GPC5: variants seen among roughly 807,000 people sequenced by gnomAD.
GPC5 encodes the protein glypican-5.
GPC5 carries 47 observed loss-of-function variants against 53.9 expected under a neutral mutation model. That is an observed-to-expected ratio of 0.87 (90% confidence interval 0.69 to 1.11). GPC5 has a LOEUF of 1.11. GPC5 is among the 50% of genes most tolerant of loss of function. The pLI is 0.00. For missense variants in GPC5, 748 were observed against 713.1 expected (o/e 1.05, Z -0.56); for synonymous variants, 286 against 263.3 (o/e 1.09, Z -0.84).
intron 7 of GPC5, among the ~76,000 whole-genome samples, chr13:92,191,125 G>C (rs2042220063): frequency 6.6e-6 from 1 of 152,040 alleles, no homozygotes; most frequent in Non-Finnish European, 1.5e-5. Flanking sequence ...TAAAAAAGGG[G>C]CATTATATAG....
chr13:92,660,488 TA>T (rs1467765649), intron 7 of GPC5, among the ~76,000 whole-genome samples: 6 of 152,070 alleles, frequency 3.9e-5, no homozygotes, highest in African/African-American at 1.4e-4. Flanking sequence ...CATACATGTA[TA>T]TATACATATA....
chr13:92,668,102 A>G (rs1307965143), intron 7 of GPC5, among the ~76,000 whole-genome samples: 1 of 152,160 alleles, frequency 6.6e-6, no homozygotes, highest in Middle Eastern at 3.2e-3. Flanking sequence ...AATGTATGTG[A>G]TTTTTAGACC....
chr13:92,628,143 G>A (rs895372939), intron 7 of GPC5, among the ~76,000 whole-genome samples: 1 of 151,726 alleles, frequency 6.6e-6, no homozygotes, highest in East Asian at 1.9e-4. Context: ...GAAAAGAGAG[G>A]GACAGAGGCT....
At chr13:92,076,208 A>G (rs886960639) in intron 6 of GPC5, among the ~76,000 whole-genome samples, 2 of 151,662 alleles carry the variant, frequency 1.3e-5, no homozygotes, top group African/African-American at 4.9e-5. Flanking sequence ...AGCTGGGACT[A>G]CAGGCGCCCA....
chr13:92,091,323 T>C (rs1476414940), intron 6 of GPC5, among the ~76,000 whole-genome samples: 2 of 152,308 alleles, frequency 1.3e-5, no homozygotes, highest in East Asian at 3.9e-4. Context: ...TCCCAAACTC[T>C]ATTATTTTTA....
chr13:92,772,205 C>T (rs1023664112), intron 7 of GPC5, among the ~76,000 whole-genome samples: 2 of 152,136 alleles, frequency 1.3e-5, no homozygotes, highest in Non-Finnish European at 2.9e-5. Context: ...GTTTTCTAGG[C>T]CCAGAGTCTC....
intron 7 of GPC5, among the ~76,000 whole-genome samples, chr13:92,284,283 G>A (rs932495615): frequency 2.6e-5 from 4 of 152,092 alleles, no homozygotes; most frequent in Admixed American, 6.5e-5. Flanking sequence ...AGGACCAGAC[G>A]GATTCAGAGC....
intron 7 of GPC5, among the ~76,000 whole-genome samples, chr13:92,197,440 A>G (rs1426262930): frequency 2.6e-5 from 4 of 152,186 alleles, no homozygotes; most frequent in Non-Finnish European, 5.9e-5. Context: ...AATATGATTT[A>G]TATACAAAGA....
chr13:92,818,262 G>A (rs768828849), intron 7 of GPC5, among the ~76,000 whole-genome samples: 1 of 151,770 alleles, frequency 6.6e-6, no homozygotes, highest in Non-Finnish European at 1.5e-5. Context: ...CAACTGCTTC[G>A]GCCTCCCAAA....
intron 5 of GPC5, among the ~76,000 whole-genome samples, chr13:91,897,480 G>T (rs181300618): frequency 2.0e-5 from 3 of 152,054 alleles, no homozygotes. Context: ...TCAGAAAGAA[G>T]AGCAGTCAGA....
At chr13:92,432,006 T>C (rs1408453230) in intron 7 of GPC5, among the ~76,000 whole-genome samples, 1 of 152,210 alleles carries the variant, frequency 6.6e-6, no homozygotes, top group Non-Finnish European at 1.5e-5. Context: ...ACAATGTATA[T>C]GTTAAAGCCC....
intron 2 of GPC5, among the ~76,000 whole-genome samples, chr13:91,533,262 A>G (rs997753361): frequency 2.0e-5 from 3 of 152,204 alleles, no homozygotes; most frequent in Admixed American, 2.0e-4. Context: ...TGTGCTTCCC[A>G]AGTCCTTCTT....
chr13:91,689,102 TAGGCTAC>T (rs2035685479), intron 2 of GPC5, among the ~76,000 whole-genome samples: 1 of 148,912 alleles, frequency 6.7e-6, no homozygotes, highest in South Asian at 2.1e-4. Context: ...ACAGAAGGTT[TAGGCTAC>T]AGGGAGCTAT....
chr13:91,678,799 AG>A (rs2035442335), intron 2 of GPC5, among the ~76,000 whole-genome samples: 1 of 152,004 alleles, frequency 6.6e-6, no homozygotes, highest in African/African-American at 2.4e-5. Flanking sequence ...GATTGAGGTA[AG>A]TTATCATTAT....
intron 7 of GPC5, among the ~76,000 whole-genome samples, chr13:92,531,619 T>A (rs1881566654): frequency 6.6e-6 from 1 of 152,102 alleles, no homozygotes; most frequent in African/African-American, 2.4e-5. Context: ...AGAAATGAGT[T>A]CCCCACACCA....
chr13:92,622,071 C>T (rs959736601), intron 7 of GPC5, among the ~76,000 whole-genome samples: 5 of 152,164 alleles, frequency 3.3e-5, no homozygotes, highest in African/African-American at 9.7e-5. Flanking sequence ...CCAACCCTTC[C>T]TGTTTGCCCG....
At chr13:91,968,425 G>A (rs547377899) in intron 6 of GPC5, among the ~76,000 whole-genome samples, 1 of 151,920 alleles carries the variant, frequency 6.6e-6, no homozygotes, top group Non-Finnish European at 1.5e-5. Flanking sequence ...ATTAATATAT[G>A]TTTCAAAATG....
intron 7 of GPC5, among the ~76,000 whole-genome samples, chr13:92,700,174 T>A (rs948250168): frequency 6.6e-6 from 1 of 152,178 alleles, no homozygotes; most frequent in African/African-American, 2.4e-5. Flanking sequence ...TCTTTACCAT[T>A]ATGTAATGCC....
intron 5 of GPC5, among the ~76,000 whole-genome samples, chr13:91,844,762 G>T (rs2038829237): frequency 6.6e-6 from 1 of 151,912 alleles, no homozygotes; most frequent in South Asian, 2.1e-4. Flanking sequence ...CACTCACTCT[G>T]TCACCCTGGC....
Sources: allele counts gnomAD v4.1 joint callset (sites outside exome capture counted in the v4.1 genomes callset), GRCh38; gene constraint gnomAD v4.1.1; transcripts MANE v1.5; gene names NCBI Gene and HGNC (gene_info 2026-07-23, HGNC 2026-07-21).